Variants in ETS1 observed in about 807,000 individuals in gnomAD.
The protein encoded by ETS1 is protein C-ets-1.
ETS1 carries 15 observed loss-of-function variants against 58.6 expected under a neutral mutation model. The ratio of observed to expected loss-of-function variants is 0.26; its 90% confidence interval spans 0.17 to 0.39. The LOEUF is 0.39. Ranked by LOEUF, ETS1 falls within the 10% of genes least tolerant of loss-of-function variation. ETS1 has a pLI of 1.00. For missense variants in ETS1, 417 were observed against 610.5 expected, an observed-to-expected ratio of 0.68 and a Z score of 3.34; for synonymous variants, 214 against 218.2, an observed-to-expected ratio of 0.98 and a Z score of 0.17.
chr11:128,522,324 C>T, intron 3 of ETS1: 1 of 1,047,924 alleles, frequency 9.5e-7, no homozygotes, highest in Non-Finnish European at 1.2e-6. Flanking sequence ...GCCGCTCTCC[C>T]TCCCTCTCGC....
chr11:128,556,687 T>C (rs1248173154), intron 2 of ETS1, among the ~76,000 whole-genome samples: 4 of 152,206 alleles, frequency 2.6e-5, no homozygotes, highest in African/African-American at 9.7e-5. Flanking sequence ...AGGACTACCT[T>C]TTCTGGCCTT....
intron 1 of ETS1, among the ~76,000 whole-genome samples, chr11:128,585,158 AAGAAAGAAAGAG>A (rs1864987960): frequency 4.0e-5 from 2 of 49,636 alleles, no homozygotes; most frequent in African/African-American, 2.1e-4. Context: ...GAAAGAAAGA[AAGAAAGAAAGAG>A]AAAGAAAGAA....
At chr11:128,509,550 ATTTT>A (rs59753000) in intron 3 of ETS1, among the ~76,000 whole-genome samples, 24 of 95,100 alleles carry the variant, frequency 2.5e-4, no homozygotes, top group African/African-American at 3.8e-4. Flanking sequence ...TCAGGTGAAA[ATTTT>A]TTTTTTTTTT....
chr11:128,471,790 A>G (rs1862194808), intron 8 of ETS1, among the ~76,000 whole-genome samples: 1 of 152,224 alleles, frequency 6.6e-6, no homozygotes, highest in African/African-American at 2.4e-5. Context: ...AGATATGTTC[A>G]CTGATCAGGG....
At chr11:128,551,176 C>T (rs978985276) in intron 3 of ETS1, among the ~76,000 whole-genome samples, 1 of 152,196 alleles carries the variant, frequency 6.6e-6, no homozygotes, top group Non-Finnish European at 1.5e-5. Flanking sequence ...TTCTGTAAAA[C>T]CACAGACCTG....
At chr11:128,477,432 G>C (rs533865296) in intron 8 of ETS1, among the ~76,000 whole-genome samples, 2 of 152,330 alleles carry the variant, frequency 1.3e-5, no homozygotes, top group South Asian at 4.1e-4. Context: ...AAGCTAGACA[G>C]CCATTTATAG....
intron 2 of ETS1, among the ~76,000 whole-genome samples, chr11:128,567,473 T>A (rs189130777): frequency 6.6e-6 from 1 of 152,072 alleles, no homozygotes; most frequent in African/African-American, 2.4e-5. Flanking sequence ...ATGGCATAAA[T>A]TCACAAGTCA....
At chr11:128,556,531 A>G in intron 2 of ETS1, 96 bp from the exon 3 acceptor site, 1 of 783,902 alleles carries the variant, frequency 1.3e-6, no homozygotes, top group South Asian at 2.1e-5. Flanking sequence ...ATCACATGTA[A>G]GTAAGAATCA....
At chr11:128,530,867 G>T (rs1413322280) in intron 3 of ETS1, among the ~76,000 whole-genome samples, 1 of 152,140 alleles carries the variant, frequency 6.6e-6, no homozygotes, top group Non-Finnish European at 1.5e-5. Flanking sequence ...AGACCAGATG[G>T]CTGGCAACAA....
intron 8 of ETS1, among the ~76,000 whole-genome samples, chr11:128,475,580 C>A (rs528618354): frequency 2.0e-5 from 2 of 99,818 alleles, no homozygotes; most frequent in African/African-American, 4.0e-5. Flanking sequence ...TTTTTTGAGA[C>A]GGAGTCTCGC....
At position 128,571,511 on chromosome 11, in the gene ETS1, A is replaced by C. The variant is rs1864632220; in HGVS notation, c.69+1551T>G. On this transcript the variant is annotated intron_variant, in intron 2 of 9. Transcript: ENST00000392668. Reference sequence around the variant, plus strand: ...AGAGCAAGACTCCGTCAAAAAAAAAAAAAAAAAAAAAAAAAAAAAAAAAAA... The same window carrying C: ...AGAGCAAGACTCCGTCAAAAAAAAACAAAAAAAAAAAAAAAAAAAAAAAAA... Among the ~76,000 whole-genome samples the C allele has an allele frequency of 5.8e-3, 26 of 4,492 alleles. 6 individuals carry two copies. The highest frequency in any genetic ancestry group is 0.046 in the African/African-American group (25 of 546). The allele number at this position is 4,492 out of a possible 152,430, so 2.9% of individuals were successfully genotyped here.
intron 8 of ETS1, among the ~76,000 whole-genome samples, chr11:128,477,768 C>T (rs1049344247): frequency 2.0e-5 from 3 of 152,216 alleles, no homozygotes; most frequent in Non-Finnish European, 2.9e-5. Flanking sequence ...AGCCCACATA[C>T]TCGCTTTTCT....
At chr11:128,575,119 C>T (rs1223829025) in intron 1 of ETS1, among the ~76,000 whole-genome samples, 1 of 152,180 alleles carries the variant, frequency 6.6e-6, no homozygotes, top group East Asian at 1.9e-4. Context: ...TGTTCCAAAA[C>T]CCTCCAGTGG....
chr11:128,544,663 T>C (rs923709424), intron 3 of ETS1, among the ~76,000 whole-genome samples: 4 of 151,900 alleles, frequency 2.6e-5, no homozygotes, highest in African/African-American at 9.7e-5. Context: ...CTTAGGTTTA[T>C]ACAGCAGACG....
At chr11:128,484,722 G>T in intron 7 of ETS1, 101 bp downstream of exon 7, 1 of 1,049,238 alleles carries the variant, frequency 9.5e-7, no homozygotes. Flanking sequence ...GGAATCTACA[G>T]GTCTAATAAA....
chr11:128,464,455 A>T lies in ETS1; in HGVS notation c.1124-828T>A, dbSNP rs761861150. ...CAATTTATTCTATGCTAAAAGGTTT[A>T]TATCACACCGATTTCCTTTGAGGAT... On this transcript the variant is annotated intron_variant, in intron 8 of 9. Transcript: ENST00000392668. This position sits in a 1 kb window ranked among gnomAD's most constrained non-coding sequence, Gnocchi z 4.1. Among the ~76,000 whole-genome samples the T allele has an allele frequency of 6.6e-6, 1 of 152,054 alleles. No individual in the cohort carries two copies. The highest frequency in any genetic ancestry group is 1.9e-4 in the East Asian group (1 of 5,198).
intron 3 of ETS1, among the ~76,000 whole-genome samples, chr11:128,527,974 A>G (rs1863830673): frequency 6.6e-6 from 1 of 152,218 alleles, no homozygotes; most frequent in African/African-American, 2.4e-5. Flanking sequence ...CCAGAGATCA[A>G]GAAGCAGAGA....
rs1862444171 is a variant in ETS1, at chr11:128,480,240, G to A, written c.1074C>T (p.Leu358=). 6.2e-7 allele frequency: 1 copy of A among 1,613,970 alleles called. No individual in the cohort carries two copies. The highest frequency in any genetic ancestry group is 1.3e-5 in the African/African-American group (1 of 74,918). ...FKDYVRDRAD[L]NKDKPVIPAA... ...CAGGAATGACAGGCTTGTCCTTATT[G>A]AGGTCAGCACGGTCCCGCACATAGT... The change falls in exon 8 of 10, where the codon CTC becomes CTT. Residue 358 remains leucine, a synonymous_variant. Transcript: ENST00000392668.
At chr11:128,574,253 C>T (rs1864696894) in intron 1 of ETS1, among the ~76,000 whole-genome samples, 1 of 152,186 alleles carries the variant, frequency 6.6e-6, no homozygotes, top group Admixed American at 6.5e-5. Flanking sequence ...CTACAAACCT[C>T]CTGAAGTCAT....
Sources: gnomAD v4.1 joint callset for allele counts (sites outside exome capture counted in the v4.1 genomes callset) on GRCh38, gnomAD v4.1.1 for gene constraint, Gnocchi (gnomAD v3.1) non-coding constraint, MANE v1.5 for transcripts, NCBI Gene and HGNC (gene_info 2026-07-23, HGNC 2026-07-21) for gene names.